The following ERG variants were observed in gnomAD, a reference collection of about 807,000 sequenced individuals.
ERG encodes transcriptional regulator ERG.
ERG carries 9 observed loss-of-function variants against 55.3 expected under a neutral mutation model. The ratio of observed to expected loss-of-function variants is 0.16; its 90% CI spans 0.10 to 0.28. The LOEUF (loss-of-function observed/expected upper bound fraction) is 0.28, where lower values mean the gene tolerates loss of function less well. Among genes scored for constraint, ERG ranks in the 10% least tolerant of loss-of-function variants. The pLI is 1.00. For synonymous variants in ERG, 223 were observed against 237.3 expected (o/e 0.94, Z 0.55); for missense variants, 434 against 631.6 (o/e 0.69, Z 3.35).
intron 1 of ERG, among the ~76,000 whole-genome samples, chr21:38,659,741 C>G (rs907500828): frequency 6.6e-6 from 1 of 152,184 alleles, no homozygotes; most frequent in African/African-American, 2.4e-5. Context: ...AATCCACATC[C>G]TCATTGAAAT....
At chr21:38,374,571 A>G in the ERG span, among the ~76,000 whole-genome samples, 2 of 152,226 alleles carry the variant, frequency 1.3e-5, no homozygotes, top group African/African-American at 2.4e-5. Flanking sequence ...GGCCACCTTC[A>G]GCCAGATCTA....
intron 2 of ERG, among the ~76,000 whole-genome samples, chr21:38,429,344 G>T: frequency 1.3e-5 from 2 of 149,560 alleles, no homozygotes; most frequent in African/African-American, 2.5e-5. Flanking sequence ...ATCTACATAT[G>T]CACACATATA....
intron 1 of ERG, among the ~76,000 whole-genome samples, chr21:38,592,670 C>G (rs1002574000): frequency 1.3e-5 from 2 of 151,806 alleles, no homozygotes; most frequent in African/African-American, 4.8e-5. Flanking sequence ...GTAAGGCAAT[C>G]CTTAGACTCT....
chr21:38,634,254 G>A (rs1485874040), intron 1 of ERG, among the ~76,000 whole-genome samples: 1 of 152,084 alleles, frequency 6.6e-6, no homozygotes, highest in Non-Finnish European at 1.5e-5. Flanking sequence ...TACCATTCTA[G>A]GTGTTCCTAG....
intron 1 of ERG, among the ~76,000 whole-genome samples, chr21:38,653,802 G>A (rs564970704): frequency 5.3e-5 from 8 of 152,302 alleles, no homozygotes; most frequent in Non-Finnish European, 1.2e-4. Flanking sequence ...GTTTGGGACA[G>A]TGCTCTCATT....
At chr21:38,656,889 TC>T (rs560779525) in intron 1 of ERG, among the ~76,000 whole-genome samples, 6 of 152,048 alleles carry the variant, frequency 3.9e-5, no homozygotes, top group Non-Finnish European at 8.8e-5. Context: ...AGACAGCTTT[TC>T]CCCCCCGAGT....
chr21:38,488,629 A>G (rs554575557), intron 1 of ERG, among the ~76,000 whole-genome samples: 1 of 152,312 alleles, frequency 6.6e-6, no homozygotes, highest in Admixed American at 6.5e-5. Flanking sequence ...GTGAGCTGAT[A>G]TTTTTTGTAC....
intron 1 of ERG, among the ~76,000 whole-genome samples, chr21:38,622,044 T>C (rs576062270): frequency 6.6e-6 from 1 of 152,344 alleles, no homozygotes; most frequent in East Asian, 1.9e-4. Context: ...CCTACCCAGA[T>C]GGTCAGGTGC....
At chr21:38,633,935 G>A (rs1426799597) in intron 1 of ERG, among the ~76,000 whole-genome samples, 1 of 151,448 alleles carries the variant, frequency 6.6e-6, no homozygotes, top group East Asian at 1.9e-4. Flanking sequence ...CCCTAAAGCT[G>A]CTGCCTCAAA....
intron 1 of ERG, among the ~76,000 whole-genome samples, chr21:38,477,830 A>T (rs1204167477): frequency 6.6e-6 from 1 of 152,246 alleles, no homozygotes; most frequent in Non-Finnish European, 1.5e-5. Context: ...CCAAACCTCT[A>T]TGTTACTGAC....
At chr21:38,654,813 C>T (rs2060509217) in intron 1 of ERG, among the ~76,000 whole-genome samples, 1 of 152,138 alleles carries the variant, frequency 6.6e-6, no homozygotes, top group South Asian at 2.1e-4. Flanking sequence ...AAAAGCAAGC[C>T]TTGCACAAGG....
intron 1 of ERG, among the ~76,000 whole-genome samples, chr21:38,489,043 T>G (rs566000632): frequency 6.6e-6 from 1 of 152,352 alleles, no homozygotes; most frequent in Admixed American, 6.5e-5. Context: ...AGAGGAAGTT[T>G]CCACTGGGAG....
downstream of ERG, among the ~76,000 whole-genome samples, chr21:38,376,287 T>C (rs1294902383): frequency 2.6e-5 from 4 of 152,172 alleles, no homozygotes; most frequent in Non-Finnish European, 5.9e-5. Context: ...AACTGTGGAA[T>C]TGTCGGATGT....
intron 2 of ERG, among the ~76,000 whole-genome samples, chr21:38,506,956 A>C (rs1005798995): frequency 6.6e-6 from 1 of 152,106 alleles, no homozygotes; most frequent in Non-Finnish European, 1.5e-5. Context: ...TGCTATTTTT[A>C]AAAGGAAACA....
At chr21:38,370,508 G>A in the ERG span, among the ~76,000 whole-genome samples, 4 of 151,804 alleles carry the variant, frequency 2.6e-5, no homozygotes, top group African/African-American at 9.7e-5. Flanking sequence ...TGCACCTCAA[G>A]GTCATATTCT....
chr21:38,573,330 A>G (rs944126265), intron 2 of ERG, among the ~76,000 whole-genome samples: 4 of 152,258 alleles, frequency 2.6e-5, no homozygotes, highest in Non-Finnish European at 5.9e-5. Flanking sequence ...GTGGATTAGT[A>G]AAAGAGGAAA....
At chr21:38,648,000 T>G (rs1325312793) in intron 1 of ERG, among the ~76,000 whole-genome samples, 1 of 152,258 alleles carries the variant, frequency 6.6e-6, no homozygotes, top group African/African-American at 2.4e-5. Flanking sequence ...TCTCAGGACA[T>G]CTTATTTCAT....
intron 2 of ERG, among the ~76,000 whole-genome samples, chr21:38,533,039 T>A (rs970961440): frequency 6.6e-6 from 1 of 152,192 alleles, no homozygotes; most frequent in Non-Finnish European, 1.5e-5. Flanking sequence ...TGAATTAAAA[T>A]GAAGTAAAGC....
intron 2 of ERG, among the ~76,000 whole-genome samples, chr21:38,423,981 A>AAAAAGAAAAGAAAAGAAAAG (rs56340509): frequency 1.3e-5 from 2 of 150,374 alleles, no homozygotes; most frequent in South Asian, 2.1e-4. Flanking sequence ...TCTCAAAACA[A>AAAAAGAAAAGAAAAGAAAAG]AAAAGAAAAG....
Sources: gnomAD v4.1 joint callset for allele counts (sites outside exome capture counted in the v4.1 genomes callset) on GRCh38, gnomAD v4.1.1 for gene constraint, MANE v1.5 for transcripts, NCBI Gene and HGNC (gene_info 2026-07-23, HGNC 2026-07-21) for gene names.